The following TRUB1 variants were observed in gnomAD, a reference collection of about 807,000 sequenced individuals.
TRUB1 encodes pseudouridylate synthase TRUB1.
TRUB1 carries 23 observed loss-of-function variants against 33.9 expected under a neutral mutation model. The ratio of observed to expected loss-of-function variants is 0.68; its 90% CI spans 0.49 to 0.96. TRUB1 has a LOEUF of 0.96. TRUB1 is among the 40% of genes least tolerant of loss of function. The probability of loss-of-function intolerance (pLI) is 0.00; values close to 1 mark genes in which losing one functional copy is unlikely to be tolerated. For synonymous variants in TRUB1, 163 were observed against 165.4 expected (o/e 0.99, Z 0.11); for missense variants, 378 against 422.2 (o/e 0.90, Z 0.92).
At chr10:114,973,030 AG>A (rs1295458523) in intron 6 of TRUB1, among the ~76,000 whole-genome samples, 1 of 152,128 alleles carries the variant, frequency 6.6e-6, no homozygotes, top group Non-Finnish European at 1.5e-5. Context: ...TGCACTGAAT[AG>A]GATTCCGTTT....
chr10:114,953,754 G>T (rs1475058968), intron 3 of TRUB1, among the ~76,000 whole-genome samples: 5 of 152,160 alleles, frequency 3.3e-5, no homozygotes, highest in Non-Finnish European at 7.4e-5. Flanking sequence ...ACTGGTATCT[G>T]CTTCTGGTGA....
intron 4 of TRUB1, among the ~76,000 whole-genome samples, chr10:114,962,148 T>C (rs1283584280): frequency 6.6e-6 from 1 of 152,172 alleles, no homozygotes; most frequent in Non-Finnish European, 1.5e-5. Flanking sequence ...CTCTGCTTCC[T>C]GGGTTCAAGT....
rs756660615 is a variant in TRUB1, at chr10:114,942,755, G to A, written c.385+12G>A. The A allele has an allele frequency of 1.0e-5, 16 of 1,572,440 alleles. No individual in the cohort carries two copies. The highest frequency in any genetic ancestry group is 2.2e-5 in the South Asian group (2 of 89,974). ...CCGAGGAGTTCTGGGTAAGAGATAT[G>A]AAAGGCAGTTAAGTGTCCACTGTCA... On this transcript the variant is annotated intron_variant, in intron 2 of 7. Coordinates refer to ENST00000298746, the MANE Select transcript of TRUB1 (RefSeq NM_139169.5).
At chr10:114,943,909 G>A (rs1445624595) in intron 2 of TRUB1, among the ~76,000 whole-genome samples, 1 of 151,454 alleles carries the variant, frequency 6.6e-6, no homozygotes, top group Non-Finnish European at 1.5e-5. Context: ...TTCGGCTGGA[G>A]ATGTATTAGT....
In TRUB1 at chr10:114,953,671, C is replaced by T. The variant is rs530592124; in HGVS notation, c.441+2522C>T. ...GTTTGTGTTGCTGTAAAGGAGTAGT[C>T]GAGGCTGGGTAATTTATAAAGAAAA... On this transcript the variant is annotated intron_variant, in intron 3 of 7. Coordinates refer to ENST00000298746, the MANE Select transcript of TRUB1 (RefSeq NM_139169.5). Among the ~76,000 whole-genome samples the T allele has an allele frequency of 2.6e-5, 4 of 152,052 alleles. No individual in the cohort carries two copies. In the South Asian group the frequency reaches 6.2e-4, roughly 24 times the overall value.
chr10:114,957,795 A>G (rs1446498228), intron 3 of TRUB1, among the ~76,000 whole-genome samples: 1 of 152,214 alleles, frequency 6.6e-6, no homozygotes, highest in African/African-American at 2.4e-5. Flanking sequence ...AGATACATTC[A>G]AGGCATAGTC....
At position 114,974,356 on chromosome 10, in the gene TRUB1, T is replaced by C; in HGVS notation, c.764T>C (p.Ile255Thr). The C allele has an allele frequency of 1.9e-6, 3 of 1,613,018 alleles. No homozygotes were observed. The highest frequency in any genetic ancestry group is 2.5e-6 in the Non-Finnish European group (3 of 1,179,266). ...GTTGAATGTGGAGGAGGTTTTTATA[T>C]CAGAAGCTTGGTCAGTGACATTGGA... ...LDVECGGGFY[I>T]RSLVSDIGKE... Residue 255 changes from isoleucine (I) to threonine (T), a missense_variant, in exon 7 of 8, where the codon ATC (isoleucine) becomes ACC (threonine). Physicochemically the swap from Ile to Thr is moderately conservative, Grantham distance 89. Coordinates refer to ENST00000298746, the MANE Select transcript of TRUB1 (RefSeq NM_139169.5).
intron 2 of TRUB1, among the ~76,000 whole-genome samples, chr10:114,950,225 G>A (rs1283035131): frequency 6.6e-6 from 1 of 152,086 alleles, no homozygotes; most frequent in Non-Finnish European, 1.5e-5. Flanking sequence ...GGATTAAATG[G>A]GATAATGAAA....
At chr10:114,939,773 C>T (rs1032113460) in intron 1 of TRUB1, among the ~76,000 whole-genome samples, 2 of 150,772 alleles carry the variant, frequency 1.3e-5, no homozygotes, top group Non-Finnish European at 2.9e-5. Flanking sequence ...TTTAGTTTTC[C>T]TTCATAGAAC....
intron 5 of TRUB1, 96 bp from the exon 6 acceptor site, chr10:114,972,039 C>T: frequency 3.6e-6 from 5 of 1,397,670 alleles, no homozygotes; most frequent in Non-Finnish European, 9.8e-7. Flanking sequence ...CCTTCCTTTC[C>T]ATGCTAAATC....
chr10:114,953,593 A>G (rs2084246893), intron 3 of TRUB1, among the ~76,000 whole-genome samples: 1 of 152,212 alleles, frequency 6.6e-6, no homozygotes, highest in Non-Finnish European at 1.5e-5. Context: ...GACCATATAG[A>G]TACATACATT....
intron 3 of TRUB1, among the ~76,000 whole-genome samples, chr10:114,958,908 G>T (rs1013032404): frequency 7.9e-5 from 12 of 151,320 alleles, no homozygotes; most frequent in African/African-American, 2.7e-4. Flanking sequence ...GGCCGAGGTG[G>T]GTGGATCACC....
rs551463217 is a variant in TRUB1 at position 114,938,228 on chromosome 10, A to G, written c.-26A>G. 6 of 1,607,444 alleles carry G rather than the reference A, an allele frequency of 3.7e-6. No individual in the cohort carries two copies. The highest frequency in any genetic ancestry group is 5.1e-6 in the Non-Finnish European group (6 of 1,178,232). On this transcript the variant is annotated 5_prime_UTR_variant, in exon 1 of 8. It removes an upstream start codon present in the reference 5' UTR. Coordinates refer to ENST00000298746, the MANE Select transcript of TRUB1 (RefSeq NM_139169.5). ...TGCATCATCAGCGTGCACCTCCACG[A>G]TGAAACAGGTCTGGGCTACAAAAGT... is the stretch of plus-strand genomic sequence containing the variant.
chr10:114,956,557 C>T (rs991792393), intron 3 of TRUB1, among the ~76,000 whole-genome samples: 9 of 151,980 alleles, frequency 5.9e-5, no homozygotes, highest in Non-Finnish European at 1.0e-4. Context: ...AACTAGATGC[C>T]AGGACAAGGG....
intron 3 of TRUB1, among the ~76,000 whole-genome samples, chr10:114,958,065 T>C (rs1234579181): frequency 7.2e-5 from 11 of 152,224 alleles, no homozygotes; most frequent in Non-Finnish European, 1.0e-4. Flanking sequence ...GCATTATTGT[T>C]TTCCACATTT....
intron 1 of TRUB1, among the ~76,000 whole-genome samples, chr10:114,940,997 G>T (rs1211962309): frequency 6.6e-6 from 1 of 152,134 alleles, no homozygotes. Flanking sequence ...TTGGGAGGCC[G>T]AGCCACCCAG....
chr10:114,975,043 C>T lies in TRUB1; in HGVS notation c.794-80C>T, dbSNP rs77672013. 2,016 of 1,468,918 alleles carry T rather than the reference C, an allele frequency of 1.4e-3. 30 individuals carry two copies. In the African/African-American group the frequency reaches 0.026, roughly 19 times the overall value. 91.0% of individuals were successfully genotyped at this position (1,468,918 alleles called of 1,614,324 possible). A position where few individuals can be genotyped will look rare whatever the true frequency, so the allele number is the denominator to read the frequency against. On this transcript the variant is annotated intron_variant, in intron 7 of 7. Transcript: ENST00000298746. ...GGTTTTGAGAGATTTCAATTGAGTACGGTCATTTGAACAATTACAGACTAT... is the reference window on the plus strand; with the variant it reads ...GGTTTTGAGAGATTTCAATTGAGTATGGTCATTTGAACAATTACAGACTAT...
chr10:114,972,009 T>C (rs1335800661), intron 5 of TRUB1, 126 bp from the exon 6 acceptor site: 1 of 1,036,212 alleles, frequency 9.7e-7, no homozygotes, highest in African/African-American at 1.6e-5. Flanking sequence ...GGATTTTCAT[T>C]GTGAAGCACT....
chr10:114,949,797 AC>A (rs1185321640), intron 2 of TRUB1, among the ~76,000 whole-genome samples: 1 of 151,168 alleles, frequency 6.6e-6, no homozygotes, highest in African/African-American at 2.4e-5. Flanking sequence ...TTGAATCTTA[AC>A]TCTACCAGGT....
Sources: gnomAD v4.1 joint callset for allele counts (sites outside exome capture counted in the v4.1 genomes callset) on GRCh38, gnomAD v4.1.1 for gene constraint, MANE v1.5 for transcripts, NCBI Gene and HGNC (gene_info 2026-07-23, HGNC 2026-07-21) for gene names.